The following GNAQ variants were observed in gnomAD, a reference collection of about 807,000 sequenced individuals.
GNAQ encodes the protein guanine nucleotide-binding protein G(q) subunit alpha.
A neutral mutation model predicts 43.9 loss-of-function variants in GNAQ; 8 were observed. The observed-to-expected ratio is 0.18, with a 90% CI of 0.11 to 0.33. The LOEUF (loss-of-function observed/expected upper bound fraction) is 0.33. Ranked by LOEUF, GNAQ falls within the 10% of genes least tolerant of loss-of-function variation. The pLI, the probability that GNAQ is intolerant of heterozygous loss-of-function variation, is 1.00. For missense variants in GNAQ, 158 were observed against 450.8 expected (o/e 0.35, Z 5.88); for synonymous variants, 155 against 170.7 (o/e 0.91, Z 0.71).
intron 1 of GNAQ, among the ~76,000 whole-genome samples, chr9:77,930,337 C>T (rs1829131244): frequency 6.6e-6 from 1 of 152,222 alleles, no homozygotes; most frequent in Non-Finnish European, 1.5e-5. Flanking sequence ...CTTGCCCTTT[C>T]ATTTTAATTA....
At chr9:77,821,683 C>CT (rs1161093106) in intron 2 of GNAQ, among the ~76,000 whole-genome samples, 1 of 150,240 alleles carries the variant, frequency 6.7e-6, no homozygotes, top group Non-Finnish European at 1.5e-5. Flanking sequence ...TGAAGTTCTA[C>CT]TATTATCTTC....
chr9:77,801,393 GACA>G (rs1237916309), intron 3 of GNAQ, among the ~76,000 whole-genome samples: 1 of 152,136 alleles, frequency 6.6e-6, no homozygotes, highest in South Asian at 2.1e-4. Flanking sequence ...CACAGAGAAT[GACA>G]ACAACAGCAT....
intron 1 of GNAQ, among the ~76,000 whole-genome samples, chr9:77,976,024 C>G (rs748430471): frequency 6.6e-6 from 1 of 152,200 alleles, no homozygotes; most frequent in Non-Finnish European, 1.5e-5. Flanking sequence ...AGTGGTATAA[C>G]TGATAAGGCT....
At chr9:77,967,979 T>TA (rs201124179) in intron 1 of GNAQ, among the ~76,000 whole-genome samples, 2 of 151,912 alleles carry the variant, frequency 1.3e-5, no homozygotes, top group East Asian at 1.9e-4. Context: ...AAACTCCATC[T>TA]AAAAAAAATA....
At chr9:77,809,580 A>G (rs1826881629) in intron 3 of GNAQ, among the ~76,000 whole-genome samples, 1 of 152,204 alleles carries the variant, frequency 6.6e-6, no homozygotes, top group Admixed American at 6.5e-5. Flanking sequence ...AGTAATCTAC[A>G]CAACTCCCTA....
At chr9:77,974,317 G>A (rs1823273260) in intron 1 of GNAQ, among the ~76,000 whole-genome samples, 1 of 152,116 alleles carries the variant, frequency 6.6e-6, no homozygotes, top group Non-Finnish European at 1.5e-5. Flanking sequence ...GCATTATAAA[G>A]TTATCCCCAT....
At chr9:77,967,828 A>G (rs1823187761) in intron 1 of GNAQ, among the ~76,000 whole-genome samples, 1 of 152,054 alleles carries the variant, frequency 6.6e-6, no homozygotes, top group Admixed American at 6.6e-5. Flanking sequence ...AAAAATACAA[A>G]ATGAGCCGGG....
At chr9:77,958,655 T>C (rs1283928833) in intron 1 of GNAQ, among the ~76,000 whole-genome samples, 1 of 152,206 alleles carries the variant, frequency 6.6e-6, no homozygotes, top group African/African-American at 2.4e-5. Flanking sequence ...TTTGCCAAGA[T>C]ATCTGTCACT....
At chr9:77,957,797 G>C (rs1823061006) in intron 1 of GNAQ, among the ~76,000 whole-genome samples, 1 of 152,158 alleles carries the variant, frequency 6.6e-6, no homozygotes, top group Admixed American at 6.5e-5. Context: ...AAGTGCAGAG[G>C]CAAGTCTAGT....
chr9:77,782,579 A>G (rs1342793674), intron 5 of GNAQ, among the ~76,000 whole-genome samples: 3 of 152,214 alleles, frequency 2.0e-5, no homozygotes, highest in African/African-American at 7.2e-5. Flanking sequence ...TTTGGAAGAC[A>G]GTTTGGCAGT....
chr9:77,891,785 T>C (rs1031886572), intron 2 of GNAQ, among the ~76,000 whole-genome samples: 1 of 152,222 alleles, frequency 6.6e-6, no homozygotes, highest in African/African-American at 2.4e-5. Flanking sequence ...TGCTGTTCAC[T>C]CTTCCAGTGT....
chr9:77,788,005 TG>T (rs769206156), intron 5 of GNAQ, among the ~76,000 whole-genome samples: 2 of 152,160 alleles, frequency 1.3e-5, no homozygotes, highest in Non-Finnish European at 2.9e-5. Flanking sequence ...CACTCCAGCC[TG>T]GGCAACAAGA....
intron 1 of GNAQ, among the ~76,000 whole-genome samples, chr9:77,966,874 C>A (rs533145931): frequency 6.6e-6 from 1 of 152,250 alleles, no homozygotes; most frequent in South Asian, 2.1e-4. Context: ...AGCCAAAGGC[C>A]TTTTCCTCTG....
At chr9:77,935,226 C>T (rs1829213633) in intron 1 of GNAQ, among the ~76,000 whole-genome samples, 1 of 152,144 alleles carries the variant, frequency 6.6e-6, no homozygotes, top group Non-Finnish European at 1.5e-5. Context: ...CAAACCTCTG[C>T]ATTGTTCACA....
In GNAQ at chr9:77,762,234, T is replaced by C. The variant is rs1397612333; in HGVS notation, c.735+32229A>G. ...GCCCCTCTGCCCGGCCAGCCGCCCC[T>C]TCCGGGAGGGAGGTTGGGGGGTCAG... On this transcript the variant is annotated intron_variant, in intron 5 of 6. Transcript: ENST00000286548. Among the ~76,000 whole-genome samples the C allele has an allele frequency of 5.2e-4, 52 of 99,056 alleles. No individual in the cohort carries two copies. In the East Asian group the frequency reaches 0.016, roughly 31 times the overall value. The allele number at this position is 99,056 out of a possible 152,430, so 65.0% of individuals were successfully genotyped here. A position where few individuals can be genotyped will look rare whatever the true frequency, so the allele number is the denominator to read the frequency against.
intron 5 of GNAQ, among the ~76,000 whole-genome samples, chr9:77,767,514 A>AT (rs1431470048): frequency 2.0e-5 from 3 of 152,238 alleles, no homozygotes; most frequent in Non-Finnish European, 4.4e-5. Flanking sequence ...AGGCACTCAG[A>AT]TCTACACTGA....
chr9:77,885,499 C>T (rs79159206), intron 2 of GNAQ, among the ~76,000 whole-genome samples: 8,246 of 152,308 alleles, frequency 0.054, 248 homozygotes, highest in Non-Finnish European at 0.055. Flanking sequence ...TGAGAGTTAA[C>T]TGTGCTTTAG....
chr9:77,823,320 G>C (rs970904937), intron 2 of GNAQ, among the ~76,000 whole-genome samples: 1 of 152,028 alleles, frequency 6.6e-6, no homozygotes, highest in Non-Finnish European at 1.5e-5. Context: ...TATATAATTT[G>C]TCACTTTAAA....
chr9:77,756,166 C>T (rs1001266328), intron 5 of GNAQ, among the ~76,000 whole-genome samples: 2 of 152,232 alleles, frequency 1.3e-5, no homozygotes, highest in African/African-American at 4.8e-5. Flanking sequence ...CCTTGCTCCT[C>T]AGCTTGCAGG....
Sources: gnomAD v4.1 joint callset for allele counts (sites outside exome capture counted in the v4.1 genomes callset) on GRCh38, gnomAD v4.1.1 for gene constraint, MANE v1.5 for transcripts, NCBI Gene and HGNC (gene_info 2026-07-23, HGNC 2026-07-21) for gene names.